Variants in GRIN2B observed in about 807,000 individuals in gnomAD.
The protein encoded by GRIN2B is glutamate ionotropic receptor NMDA type subunit 2B.
A neutral mutation model predicts 114.5 loss-of-function variants in GRIN2B; 5 were observed. That is an observed-to-expected ratio of 0.04 (90% confidence interval 0.02 to 0.09). GRIN2B has a LOEUF of 0.09. Ranked by LOEUF, GRIN2B falls within the 10% of genes least tolerant of loss-of-function variation. GRIN2B has a pLI of 1.00. For missense variants in GRIN2B, 1,108 were observed against 1,943.5 expected, an observed-to-expected ratio of 0.57 and a Z score of 8.08; for synonymous variants, 787 against 745.1, an observed-to-expected ratio of 1.06 and a Z score of -0.92.
At position 13,672,137 on chromosome 12, in the gene GRIN2B, T is replaced by C. The variant is rs535813425; in HGVS notation, c.1125+3608A>G. Among the ~76,000 whole-genome samples, 17 of 152,266 alleles carry C rather than the reference T, an allele frequency of 1.1e-4. No homozygotes were observed. In the South Asian group the frequency reaches 3.5e-3, roughly 32 times the overall value. On this transcript the variant is annotated intron_variant, in intron 5 of 13. Transcript: ENST00000609686. ...ACCCAATTTCTTTTCCAATCTGCTA[T>C]TTATTTGCAAGGAGATTTTGCAGTC...
chr12:13,925,274 G>T (rs902530086), intron 2 of GRIN2B, among the ~76,000 whole-genome samples: 2 of 152,050 alleles, frequency 1.3e-5, no homozygotes, highest in Admixed American at 1.3e-4. Context: ...CCACGACCCT[G>T]GTTTCTGCAA....
chr12:13,958,723 GTTCTCCTTCTCCTCT>G (rs1359229852), intron 2 of GRIN2B, among the ~76,000 whole-genome samples: 3 of 151,900 alleles, frequency 2.0e-5, no homozygotes, highest in African/African-American at 7.3e-5. Context: ...CCTCCTCCAT[GTTCTCCTTCTCCTCT>G]TTCTCCTTCT....
At chr12:13,594,379 A>G (rs1565467382) in intron 10 of GRIN2B, among the ~76,000 whole-genome samples, 1 of 152,196 alleles carries the variant, frequency 6.6e-6, no homozygotes, top group Non-Finnish European at 1.5e-5. Context: ...TTGCAGGGAC[A>G]TGGAAGAAGC....
At position 13,615,166 on chromosome 12, in the gene GRIN2B, G is replaced by A; in HGVS notation, c.1602C>T (p.Ile534=). ...DFSVPFIETG[I]SVMVSRSNGT... ...CATTGCTGCGTGACACCATGACACT[G>A]ATGCCTGTCTCTATGAAGGGCACAG... Residue 534 remains isoleucine (I), a synonymous_variant, in exon 8 of 14, where the codon ATC becomes ATT. Transcript: ENST00000609686. The surrounding 1 kb of genome is among the most constrained non-coding windows in gnomAD (Gnocchi z 5.8). 2 of 1,612,748 alleles carry A rather than the reference G, an allele frequency of 1.2e-6. No individual in the cohort carries two copies. Among genetic ancestry groups the A allele is most frequent in the South Asian group, 2.2e-5 (2 of 91,054 alleles).
Position 13,564,325 on chromosome 12 carries a change from C to A in GRIN2B, c.2913G>T (p.Gly971=). 1.2e-6 allele frequency: 2 copies of A among 1,614,214 alleles called. No homozygotes were observed. Among genetic ancestry groups the A allele is most frequent in the Non-Finnish European group, 1.7e-6 (2 of 1,180,038 alleles). The change falls in exon 14 of 14, where the codon GGG becomes GGT. Residue 971 remains glycine, a synonymous_variant. Coordinates refer to ENST00000609686, the MANE Select transcript of GRIN2B (RefSeq NM_000834.5). This position sits in a 1 kb window ranked among gnomAD's most constrained non-coding sequence, Gnocchi z 4.8. ...DYISEVERTF[G]NLQLKDSNVY... is the part of the protein sequence containing the mutation. ...CGTTGCTGTCCTTCAGCTGCAGGTT[C>A]CCGAACGTTCTCTCTACCTCACTGA...
In GRIN2B at chr12:13,575,616, G is replaced by A. The variant is rs149736082; in HGVS notation, c.2011-3652C>T. 6.7e-3 allele frequency among the ~76,000 whole-genome samples: 1,025 copies of A among 152,056 alleles called. 21 individuals carry two copies. Among genetic ancestry groups the A allele is most frequent in the East Asian group, 0.054 (277 of 5,170 alleles). Reference sequence around the variant, plus strand: ...GGAGGTTGCAGTAAGTCAAGATTGTGCCACTGCACTTCAGCCTGGGTGACA... The same window carrying A: ...GGAGGTTGCAGTAAGTCAAGATTGTACCACTGCACTTCAGCCTGGGTGACA... On this transcript the variant is annotated intron_variant, in intron 10 of 13. Coordinates refer to ENST00000609686, the MANE Select transcript of GRIN2B (RefSeq NM_000834.5).
Position 13,798,114 on chromosome 12 carries a change from A to G in GRIN2B, c.412-44199T>C, listed in dbSNP as rs576274660. Among the ~76,000 whole-genome samples, 116 of 152,336 alleles carry G rather than the reference A, an allele frequency of 7.6e-4. 1 individual carries two copies. Among genetic ancestry groups the G allele is most frequent in the African/African-American group, 2.7e-3 (112 of 41,588 alleles). Reference sequence around the variant, plus strand: ...GCCATATTTTGAATAGCAAAACTCTAGAATGTATCCCATGATCAACTATAT... The same window carrying G: ...GCCATATTTTGAATAGCAAAACTCTGGAATGTATCCCATGATCAACTATAT... On this transcript the variant is annotated intron_variant, in intron 3 of 13. Coordinates refer to ENST00000609686, the MANE Select transcript of GRIN2B (RefSeq NM_000834.5).
At chr12:13,619,122 C>G (rs1949484867) in intron 5 of GRIN2B, among the ~76,000 whole-genome samples, 1 of 152,066 alleles carries the variant, frequency 6.6e-6, no homozygotes, top group African/African-American at 2.4e-5. Context: ...TACAAAATTG[C>G]AGACAACAGA....
chr12:13,926,499 C>T (rs915821144), intron 2 of GRIN2B, among the ~76,000 whole-genome samples: 1 of 152,168 alleles, frequency 6.6e-6, no homozygotes, highest in African/African-American at 2.4e-5. Context: ...TGTACGATAA[C>T]CCTCCTTCCC....
intron 4 of GRIN2B, among the ~76,000 whole-genome samples, chr12:13,701,990 C>T (rs1950317310): frequency 6.6e-6 from 1 of 152,202 alleles, no homozygotes; most frequent in Non-Finnish European, 1.5e-5. Flanking sequence ...TCAATTCAAA[C>T]TCCAAGAAGT....
rs201435859 is a variant in GRIN2B, at chr12:13,939,016, G to A, written c.-19+40912C>T. ...GAAAGAAAAGAGAAATGGAGAATTA[G>A]AACAAAATAGGAGCTCACCTCGAAA... is the stretch of plus-strand genomic sequence containing the variant. On this transcript the variant is annotated intron_variant, in intron 2 of 13. Transcript: ENST00000609686. 7.9e-5 allele frequency among the ~76,000 whole-genome samples: 12 copies of A among 152,240 alleles called. No individual in the cohort carries two copies. In the East Asian group the frequency reaches 1.3e-3, roughly 17 times the overall value.
At chr12:13,903,609 C>T (rs1046911393) in intron 2 of GRIN2B, among the ~76,000 whole-genome samples, 1 of 151,988 alleles carries the variant, frequency 6.6e-6, no homozygotes, top group Non-Finnish European at 1.5e-5. Flanking sequence ...CTTTGAAATT[C>T]ACTGAGATGT....
chr12:13,858,590 T>C (rs963576653), intron 3 of GRIN2B, among the ~76,000 whole-genome samples: 1 of 152,178 alleles, frequency 6.6e-6, no homozygotes, highest in Non-Finnish European at 1.5e-5. Flanking sequence ...ATTTAGTAAA[T>C]TTATGTTTTC....
chr12:13,896,106 CACAA>C (rs1240531484), intron 2 of GRIN2B, among the ~76,000 whole-genome samples: 1 of 152,010 alleles, frequency 6.6e-6, no homozygotes, highest in African/African-American at 2.4e-5. Context: ...AAATAAAGTA[CACAA>C]ACAGAGGATC....
chr12:13,777,115 T>G (rs1372445574), intron 3 of GRIN2B, among the ~76,000 whole-genome samples: 1 of 152,054 alleles, frequency 6.6e-6, no homozygotes, highest in Non-Finnish European at 1.5e-5. Context: ...ACAAGAAGAA[T>G]CTAAGTAAGA....
intron 3 of GRIN2B, among the ~76,000 whole-genome samples, chr12:13,780,043 C>A (rs1864078069): frequency 6.6e-6 from 1 of 152,166 alleles, no homozygotes. Flanking sequence ...GAATGGGTGT[C>A]ACCATATCAG....
intron 3 of GRIN2B, 142 bp from the exon 4 acceptor site, chr12:13,754,057 A>G (rs2136629739): frequency 3.3e-6 from 2 of 615,122 alleles, no homozygotes; most frequent in East Asian, 5.6e-5. Flanking sequence ...TGTATTTACA[A>G]TAAATATTTT....
At chr12:13,791,983 G>A (rs1211224412) in intron 3 of GRIN2B, among the ~76,000 whole-genome samples, 5 of 152,064 alleles carry the variant, frequency 3.3e-5, no homozygotes, top group Non-Finnish European at 5.9e-5. Context: ...CCCGGCCTCT[G>A]GTCACAACTA....
intron 2 of GRIN2B, among the ~76,000 whole-genome samples, chr12:13,913,791 T>C (rs894210078): frequency 6.6e-6 from 1 of 152,176 alleles, no homozygotes; most frequent in Non-Finnish European, 1.5e-5. Context: ...GATAATGGTT[T>C]CTCAGGGACC....
Sources: allele counts gnomAD v4.1 joint callset (sites outside exome capture counted in the v4.1 genomes callset), GRCh38; gene constraint gnomAD v4.1.1; non-coding constraint Gnocchi (gnomAD v3.1); transcripts MANE v1.5; gene names NCBI Gene and HGNC (gene_info 2026-07-23, HGNC 2026-07-21).